TG: variants seen among roughly 807,000 people sequenced by gnomAD.
TG encodes thyroglobulin.
Under a neutral mutation model 324.7 loss-of-function variants are expected in TG, and 270 were observed. That is an observed-to-expected ratio of 0.83 (90% CI 0.75 to 0.92). The LOEUF is 0.92. TG is among the 40% of genes least tolerant of loss of function. The pLI is 0.00. For missense variants in TG, 3,591 were observed against 3,456.4 expected (o/e 1.04, Z -0.98); for synonymous variants, 1,401 against 1,327.0 (o/e 1.06, Z -1.21).
At position 133,131,904 on chromosome 8, in the gene TG, C is replaced by G. The variant is rs766615768; in HGVS notation, c.7955C>G (p.Ser2652Trp). 5 of 1,614,010 alleles carry G rather than the reference C, an allele frequency of 3.1e-6. No individual in the cohort carries two copies. The highest frequency in any genetic ancestry group is 1.7e-5 in the Admixed American group (1 of 60,002). ...TTTTCTCTGGAGGAGAAGAGCCTGTCGCTGAAAATCATGCAGTACTTTTCC... is the reference window on the plus strand; with the variant it reads ...TTTTCTCTGGAGGAGAAGAGCCTGTGGCTGAAAATCATGCAGTACTTTTCC... ...GQFSLEEKSL[S>W]LKIMQYFSHF... Residue 2652 changes from serine (S) to tryptophan (W), a missense_variant, in exon 46 of 48, where the codon TCG (serine) becomes TGG (tryptophan). Coordinates refer to ENST00000220616, the MANE Select transcript of TG (RefSeq NM_003235.5).
At chr8:132,948,680 C>T in intron 26 of TG, 96 bp from the exon 27 acceptor site, 1 of 1,331,754 alleles carries the variant, frequency 7.5e-7, no homozygotes, top group Non-Finnish European at 1.1e-6. Context: ...GACGCTGTCA[C>T]CTATCTTTAT....
chr8:133,079,106 AAAACACAT>A (rs1304390855), intron 41 of TG, among the ~76,000 whole-genome samples: 1 of 152,174 alleles, frequency 6.6e-6, no homozygotes, highest in African/African-American at 2.4e-5. Flanking sequence ...AGCAAAGACA[AAAACACAT>A]AGCAGGTGAT....
At chr8:133,016,083 A>G (rs1835000230) in intron 37 of TG, among the ~76,000 whole-genome samples, 1 of 151,900 alleles carries the variant, frequency 6.6e-6, no homozygotes, top group Non-Finnish European at 1.5e-5. Context: ...TTCCTGTTGT[A>G]GGAGATGCTA....
At chr8:132,896,519 T>G (rs911715124) in intron 11 of TG, among the ~76,000 whole-genome samples, 28 of 152,042 alleles carry the variant, frequency 1.8e-4, no homozygotes, top group Non-Finnish European at 3.2e-4. Flanking sequence ...AGGATCCTGG[T>G]GAGGAGCCCC....
At chr8:133,038,801 G>A (rs182796212) in intron 41 of TG, 2 of 1,079,010 alleles carry the variant, frequency 1.9e-6, no homozygotes, top group Non-Finnish European at 2.8e-6. Flanking sequence ...GAGAGGAGGA[G>A]ATAAAGGGCA....
intron 32 of TG, among the ~76,000 whole-genome samples, chr8:132,969,836 C>G (rs561279644): frequency 6.9e-6 from 1 of 145,898 alleles, no homozygotes; most frequent in African/African-American, 2.5e-5. Flanking sequence ...ATTGCTTGAA[C>G]TCAGGAGGTG....
intron 41 of TG, among the ~76,000 whole-genome samples, chr8:133,067,776 TAGAA>T (rs1266727359): frequency 2.8e-5 from 4 of 141,022 alleles, no homozygotes; most frequent in South Asian, 2.2e-4. Flanking sequence ...AGACTCCATC[TAGAA>T]AGAAAGAAAG....
intron 35 of TG, among the ~76,000 whole-genome samples, chr8:132,986,394 GTA>G (rs1412621666): frequency 1.8e-5 from 2 of 108,514 alleles, no homozygotes; most frequent in African/African-American, 4.1e-5. Context: ...GTATATATGT[GTA>G]TATATATGTA....
rs1564013536 is a variant in TG at position 132,966,466 on chromosome 8, C to CG, written c.5549-94_5549-93insG. 7.2e-6 allele frequency: 7 copies of CG among 974,308 alleles called. No individual in the cohort carries two copies. The East Asian group carries it at 1.9e-4, about 26-fold the overall frequency. 60.4% of individuals were successfully genotyped at this position (974,308 alleles called of 1,614,324 possible). ...ACACTTTCTCTCTCTGTCTCTCTCTCTGTGTGTGTGTGTGTGTGTGTTTCT... is the reference window on the plus strand; with the variant it reads ...ACACTTTCTCTCTCTGTCTCTCTCTCGTGTGTGTGTGTGTGTGTGTGTTTCT... On this transcript the variant is annotated intron_variant, in intron 29 of 47. Transcript: ENST00000220616.
chr8:133,052,019 G>A (rs1383468677), intron 41 of TG, among the ~76,000 whole-genome samples: 1 of 152,150 alleles, frequency 6.6e-6, no homozygotes, highest in Non-Finnish European at 1.5e-5. Flanking sequence ...AGTCATGGGA[G>A]GAACTGTTCC....
chr8:133,134,665 C>T lies in TG; in HGVS notation c.8189-11C>T, dbSNP rs766352432. On this transcript the variant is annotated splice_polypyrimidine_tract_variant and intron_variant, in intron 47 of 47. Transcript: ENST00000220616. The stretch of plus-strand genomic sequence containing the variant: ...TGGCTTGGACCAACCTTCCTTGCCC[C>T]TCTGTTTCAGATGGAGCCAAGGGCG... 1.1e-5 allele frequency: 18 copies of T among 1,612,340 alleles called. No homozygotes were observed. In the South Asian group the frequency reaches 1.9e-4, roughly 17 times the overall value.
intron 20 of TG, among the ~76,000 whole-genome samples, 169 bp from the exon 21 acceptor site, chr8:132,919,207 T>G (rs922201951): frequency 6.6e-6 from 1 of 152,216 alleles, no homozygotes; most frequent in Non-Finnish European, 1.5e-5. Context: ...TCTTCACAGC[T>G]GCTTCCCTGC....
chr8:132,924,928 T>A (rs1821619495), intron 22 of TG, among the ~76,000 whole-genome samples: 1 of 152,158 alleles, frequency 6.6e-6, no homozygotes, highest in African/African-American at 2.4e-5. Flanking sequence ...GTCTGCAAGG[T>A]CCCTTAATCC....
At chr8:133,022,182 C>T in intron 40 of TG, 32 bp downstream of exon 40, 2 of 1,613,662 alleles carry the variant, frequency 1.2e-6, no homozygotes, top group Non-Finnish European at 1.7e-6. Context: ...GAGCTGCTGA[C>T]CCCCTGAGCC....
chr8:132,994,251 G>A (rs1587712029), intron 35 of TG, among the ~76,000 whole-genome samples: 2 of 152,326 alleles, frequency 1.3e-5, no homozygotes, highest in South Asian at 2.1e-4. Flanking sequence ...CCATCCTGGA[G>A]CCTCTTGAGC....
chr8:133,045,978 G>A (rs1018694738), intron 41 of TG, among the ~76,000 whole-genome samples: 3 of 152,172 alleles, frequency 2.0e-5, no homozygotes, highest in South Asian at 4.1e-4. Context: ...TCAGAAATCT[G>A]GAGAAGCTGA....
chr8:132,960,173 T>G (rs1827537517), intron 27 of TG, among the ~76,000 whole-genome samples: 1 of 152,334 alleles, frequency 6.6e-6, no homozygotes, highest in East Asian at 1.9e-4. Flanking sequence ...CACAAAGTTT[T>G]GCATGTGTAT....
In TG at chr8:133,030,775, A is replaced by G. The variant is rs185392361; in HGVS notation, c.7239+752A>G. Among the ~76,000 whole-genome samples, 19 of 152,344 alleles carry G rather than the reference A, an allele frequency of 1.2e-4. No individual in the cohort carries two copies. The East Asian group carries it at 2.5e-3, about 20-fold the overall frequency. On this transcript the variant is annotated intron_variant, in intron 41 of 47. Coordinates refer to ENST00000220616, the MANE Select transcript of TG (RefSeq NM_003235.5). ...GGAAGGAGGGAGTTTGGATCAGCAC[A>G]TCCCTTGAGGGGAGTGTCTGAGCCA...
At chr8:133,029,787 C>G in intron 40 of TG, 34 bp from the exon 41 acceptor site, 1 of 1,613,408 alleles carries the variant, frequency 6.2e-7, no homozygotes, top group Non-Finnish European at 8.5e-7. Context: ...GTTGTAAAGT[C>G]ACAAAGGATA....
Sources: allele counts gnomAD v4.1 joint callset (sites outside exome capture counted in the v4.1 genomes callset), GRCh38; gene constraint gnomAD v4.1.1; transcripts MANE v1.5; gene names NCBI Gene and HGNC (gene_info 2026-07-23, HGNC 2026-07-21).